Variants in RANBP2 observed in about 807,000 individuals in gnomAD.
RANBP2 encodes the protein RAN binding protein 2.
Under a neutral mutation model 303.6 loss-of-function variants are expected in RANBP2, and 57 were observed. The ratio of observed to expected loss-of-function variants is 0.19; its 90% confidence interval spans 0.15 to 0.23. The LOEUF (loss-of-function observed/expected upper bound fraction) is 0.23. Among genes scored for constraint, RANBP2 ranks in the 10% least tolerant of loss-of-function variants. The pLI is 1.00. For synonymous variants in RANBP2, 1,167 were observed against 1,301.5 expected, an observed-to-expected ratio of 0.90 and a Z score of 2.23; for missense variants, 3,138 against 3,780.8, an observed-to-expected ratio of 0.83 and a Z score of 4.46.
the RANBP2 span, among the ~76,000 whole-genome samples, chr2:109,469,163 G>A: frequency 6.6e-6 from 1 of 152,202 alleles, no homozygotes; most frequent in Non-Finnish European, 1.5e-5. Context: ...GCCCCCTGCA[G>A]CATTCCACAG....
At chr2:108,979,496 CACACGCAT>C in the RANBP2 span, among the ~76,000 whole-genome samples, 1 of 152,018 alleles carries the variant, frequency 6.6e-6, no homozygotes, top group East Asian at 1.9e-4. Context: ...CACACACACA[CACACGCAT>C]GGCACACCCC....
chr2:108,846,725 A>G, the RANBP2 span: 472 of 1,592,430 alleles, frequency 3.0e-4, 1 homozygote, highest in African/African-American at 5.8e-3. Context: ...AAGATTGTAC[A>G]TATTTTTAAC....
the RANBP2 span, among the ~76,000 whole-genome samples, chr2:108,936,139 G>A: frequency 2.6e-5 from 4 of 152,254 alleles, no homozygotes; most frequent in Non-Finnish European, 5.9e-5. Flanking sequence ...TGACTGTGAC[G>A]GTGCTACCTC....
At chr2:109,041,982 CAT>C in the RANBP2 span, among the ~76,000 whole-genome samples, 1 of 152,106 alleles carries the variant, frequency 6.6e-6, no homozygotes, top group East Asian at 1.9e-4. Context: ...TTAGAATAAA[CAT>C]AAATTACTTA....
chr2:109,382,804 A>C, the RANBP2 span, among the ~76,000 whole-genome samples: 4 of 152,228 alleles, frequency 2.6e-5, no homozygotes, highest in Admixed American at 1.3e-4. Flanking sequence ...AGCACCCCCA[A>C]TGTTCTCTGC....
the RANBP2 span, among the ~76,000 whole-genome samples, chr2:109,286,045 A>G: frequency 1.3e-5 from 2 of 152,180 alleles, no homozygotes; most frequent in African/African-American, 2.4e-5. Flanking sequence ...CTTAGAATCA[A>G]TGGTGTTTCT....
At chr2:109,529,687 C>T in the RANBP2 span, among the ~76,000 whole-genome samples, 31 of 152,138 alleles carry the variant, frequency 2.0e-4, no homozygotes, top group Admixed American at 1.8e-3. Context: ...CGTTGAGGGG[C>T]GGCTGGGCAG....
At chr2:109,617,473 A>G in the RANBP2 span, 1 of 167,118 alleles carries the variant, frequency 6.0e-6, no homozygotes, top group Non-Finnish European at 1.5e-5. Flanking sequence ...ACCCACAAGC[A>G]TATTAAATCT....
intron 9 of RANBP2, among the ~76,000 whole-genome samples, 165 bp downstream of exon 9, chr2:108,749,294 T>TG (rs939714401): frequency 1.3e-5 from 2 of 151,928 alleles, no homozygotes; most frequent in Non-Finnish European, 2.9e-5. Flanking sequence ...GCATGTATTT[T>TG]TTGTTGTTGT....
the RANBP2 span, among the ~76,000 whole-genome samples, chr2:109,534,141 C>A: frequency 7.2e-4 from 109 of 152,282 alleles, no homozygotes; most frequent in African/African-American, 2.3e-3. Flanking sequence ...TTTCTGTGGA[C>A]GAGCCTCTGC....
At chr2:109,685,032 C>A in the RANBP2 span, among the ~76,000 whole-genome samples, 567 of 151,166 alleles carry the variant, frequency 3.8e-3, 3 homozygotes, top group Non-Finnish European at 6.5e-3. Context: ...CACCATCATG[C>A]CTGGATAATT....
chr2:108,736,537 ATGT>A (rs1459962733), intron 6 of RANBP2, among the ~76,000 whole-genome samples: 1 of 152,200 alleles, frequency 6.6e-6, no homozygotes. Flanking sequence ...CCTAAAATGA[ATGT>A]TCTAACTGCT....
chr2:109,234,593 A>G, the RANBP2 span, among the ~76,000 whole-genome samples: 1 of 152,248 alleles, frequency 6.6e-6, no homozygotes, highest in Admixed American at 6.5e-5. Flanking sequence ...ACAGCTGTTT[A>G]AAACAATAAA....
the RANBP2 span, among the ~76,000 whole-genome samples, chr2:109,670,572 C>T: frequency 1.3e-5 from 2 of 152,058 alleles, no homozygotes; most frequent in African/African-American, 2.4e-5. Flanking sequence ...ACAGCAGTGG[C>T]CTCCAAGGCA....
the RANBP2 span, among the ~76,000 whole-genome samples, chr2:109,478,964 T>C: frequency 6.6e-6 from 1 of 152,156 alleles, no homozygotes; most frequent in African/African-American, 2.4e-5. Flanking sequence ...GTTTAGGCCT[T>C]AGCTGAGAGA....
chr2:109,217,473 A>G, the RANBP2 span, among the ~76,000 whole-genome samples: 56 of 152,346 alleles, frequency 3.7e-4, 1 homozygote, highest in East Asian at 9.6e-3. Context: ...ATTGGTAAAT[A>G]GACTCACTCC....
the RANBP2 span, among the ~76,000 whole-genome samples, chr2:108,865,499 A>G: frequency 6.6e-6 from 1 of 152,172 alleles, no homozygotes; most frequent in African/African-American, 2.4e-5. Context: ...TGCCATAGAC[A>G]AAATAATTAC....
chr2:109,170,261 T>TCTCTTCTC, the RANBP2 span, among the ~76,000 whole-genome samples: 2 of 55,266 alleles, frequency 3.6e-5, no homozygotes, highest in Middle Eastern at 6.9e-3. Context: ...TCTCTTCTCT[T>TCTCTTCTC]CTCTTCTCTT....
the RANBP2 span, among the ~76,000 whole-genome samples, chr2:109,510,456 C>T: frequency 1.3e-5 from 2 of 152,160 alleles, no homozygotes; most frequent in Admixed American, 6.5e-5. Flanking sequence ...CAAGTCAGTC[C>T]GATGTGGAGG....
Sources: allele counts gnomAD v4.1 joint callset (sites outside exome capture counted in the v4.1 genomes callset), GRCh38; gene constraint gnomAD v4.1.1; transcripts MANE v1.5; gene names NCBI Gene and HGNC (gene_info 2026-07-23, HGNC 2026-07-21).